The following CNTNAP2 variants were observed in gnomAD, a reference collection of about 807,000 sequenced individuals.
CNTNAP2 encodes the protein contactin associated protein 2.
In CNTNAP2, 98 loss-of-function variants were observed where a neutral mutation model predicts 155.2. The observed-to-expected ratio is 0.63, with a 90% CI of 0.54 to 0.75. The LOEUF is 0.75. Among genes scored for constraint, CNTNAP2 ranks in the 30% least tolerant of loss-of-function variants. The pLI, the probability that CNTNAP2 is intolerant of heterozygous loss-of-function variation, is 0.00. For synonymous variants in CNTNAP2, 651 were observed against 631.2 expected (o/e 1.03, Z -0.47); for missense variants, 1,727 against 1,688.1 (o/e 1.02, Z -0.40).
At chr7:147,944,445 C>A (rs1800782940) in intron 14 of CNTNAP2, among the ~76,000 whole-genome samples, 1 of 152,134 alleles carries the variant, frequency 6.6e-6, no homozygotes, top group Non-Finnish European at 1.5e-5. Flanking sequence ...ACAAAGGAGG[C>A]AGCATTTCCT....
intron 8 of CNTNAP2, among the ~76,000 whole-genome samples, chr7:147,190,292 A>AT (rs569141214): frequency 6.6e-6 from 1 of 152,094 alleles, no homozygotes; most frequent in African/African-American, 2.4e-5. Context: ...TATGTAATGT[A>AT]TTTTTTCCCT....
chr7:146,835,361 T>C (rs1009284490), intron 2 of CNTNAP2, among the ~76,000 whole-genome samples: 80 of 152,186 alleles, frequency 5.3e-4, no homozygotes, highest in African/African-American at 1.9e-3. Context: ...ACTCAATCAC[T>C]CTGTTGCTTT....
At chr7:146,164,549 G>A (rs1798283098) in intron 1 of CNTNAP2, among the ~76,000 whole-genome samples, 1 of 152,140 alleles carries the variant, frequency 6.6e-6, no homozygotes, top group Non-Finnish European at 1.5e-5. Flanking sequence ...TCCATTTCCT[G>A]AACAGCAACT....
chr7:146,964,568 T>C (rs1216783122), intron 3 of CNTNAP2, among the ~76,000 whole-genome samples: 1 of 152,222 alleles, frequency 6.6e-6, no homozygotes, highest in Non-Finnish European at 1.5e-5. Flanking sequence ...AGTGTTAAGA[T>C]ATCTTAAACC....
Position 147,043,942 on chromosome 7 carries a change from C to G in CNTNAP2, c.438C>G (p.Val146=), listed in dbSNP as rs1799305932. The change falls in exon 4 of 24, where the codon GTC becomes GTG. Residue 146 remains valine, a synonymous_variant. Coordinates refer to ENST00000361727, the MANE Select transcript of CNTNAP2 (RefSeq NM_014141.6). Reference sequence around the variant, plus strand: ...GAAACATTAACTCTGACGGTGTGGTCCGGCACGAATTACAGCATCCGATTA... The same window carrying G: ...GAAACATTAACTCTGACGGTGTGGTGCGGCACGAATTACAGCATCCGATTA... ...FPGNINSDGV[V]RHELQHPIIA... is the part of the protein sequence containing the mutation. The G allele has an allele frequency of 6.2e-7, 1 of 1,614,002 alleles. No homozygotes were observed. Among genetic ancestry groups the G allele is most frequent in the Non-Finnish European group, 8.5e-7 (1 of 1,180,010 alleles).
At chr7:147,234,399 G>A (rs1325239123) in intron 8 of CNTNAP2, among the ~76,000 whole-genome samples, 1 of 146,360 alleles carries the variant, frequency 6.8e-6, no homozygotes, top group Non-Finnish European at 1.5e-5. Context: ...GTGCAGTGGC[G>A]CGATCTCGGC....
At chr7:147,414,731 G>A (rs1386741855) in intron 10 of CNTNAP2, among the ~76,000 whole-genome samples, 1 of 151,958 alleles carries the variant, frequency 6.6e-6, no homozygotes, top group African/African-American at 2.4e-5. Flanking sequence ...CACGAGGTCA[G>A]GAGATCGAGA....
intron 21 of CNTNAP2, among the ~76,000 whole-genome samples, chr7:148,359,239 C>T (rs550860888): frequency 7.2e-5 from 11 of 152,162 alleles, no homozygotes; most frequent in South Asian, 4.1e-4. Flanking sequence ...CATTCTGTGA[C>T]GTTCCCACAA....
chr7:147,927,382 T>A (rs1800414339), intron 14 of CNTNAP2, among the ~76,000 whole-genome samples: 1 of 152,216 alleles, frequency 6.6e-6, no homozygotes, highest in Non-Finnish European at 1.5e-5. Context: ...GGGTTCTTTT[T>A]AAAGTTTAAT....
chr7:146,136,728 G>A (rs144878748), intron 1 of CNTNAP2, among the ~76,000 whole-genome samples: 126 of 152,154 alleles, frequency 8.3e-4, no homozygotes, highest in African/African-American at 2.8e-3. Flanking sequence ...TTCTGTAAAC[G>A]CGGAAGCAGG....
At chr7:147,543,958 A>G (rs1350203129) in intron 11 of CNTNAP2, among the ~76,000 whole-genome samples, 1 of 152,200 alleles carries the variant, frequency 6.6e-6, no homozygotes, top group Non-Finnish European at 1.5e-5. Flanking sequence ...ATTATTTATT[A>G]GTTTTAAACA....
chr7:146,641,899 CAA>C (rs966105094), intron 1 of CNTNAP2, among the ~76,000 whole-genome samples: 3 of 151,886 alleles, frequency 2.0e-5, no homozygotes, highest in East Asian at 1.9e-4. Context: ...ATTGTGAAGA[CAA>C]AAATTGTTCT....
chr7:146,408,221 C>G (rs1795819537), intron 1 of CNTNAP2, among the ~76,000 whole-genome samples: 1 of 152,036 alleles, frequency 6.6e-6, no homozygotes, highest in African/African-American at 2.4e-5. Context: ...CAAAATTAAC[C>G]ATTAAAAATA....
At chr7:148,153,020 CAAA>C (rs373499312) in intron 17 of CNTNAP2, among the ~76,000 whole-genome samples, 1 of 22,678 alleles carries the variant, frequency 4.4e-5, no homozygotes, top group African/African-American at 1.7e-4. Flanking sequence ...GACTCCGTCT[CAAA>C]AAAAAAAAAA....
intron 20 of CNTNAP2, among the ~76,000 whole-genome samples, chr7:148,237,962 A>G (rs1441246208): frequency 6.6e-6 from 1 of 152,220 alleles, no homozygotes; most frequent in Non-Finnish European, 1.5e-5. Context: ...CCTTTCTTAC[A>G]TATCGAAATG....
chr7:146,180,176 A>G (rs1365307222), intron 1 of CNTNAP2, among the ~76,000 whole-genome samples: 1 of 152,194 alleles, frequency 6.6e-6, no homozygotes, highest in Non-Finnish European at 1.5e-5. Flanking sequence ...CAACAGTGTT[A>G]ATTCACAGCC....
At chr7:147,195,138 C>G (rs80229407) in intron 8 of CNTNAP2, among the ~76,000 whole-genome samples, 13 of 152,080 alleles carry the variant, frequency 8.5e-5, no homozygotes, top group Non-Finnish European at 1.9e-4. Flanking sequence ...TTTCTGCATA[C>G]AGCTAGCCGG....
At chr7:146,870,188 G>A (rs1221513555) in intron 3 of CNTNAP2, among the ~76,000 whole-genome samples, 4 of 151,266 alleles carry the variant, frequency 2.6e-5, no homozygotes, top group Non-Finnish European at 4.4e-5. Flanking sequence ...GGTGGAATTC[G>A]GCTGTGAATC....
At chr7:147,265,438 C>T (rs1804585195) in intron 8 of CNTNAP2, among the ~76,000 whole-genome samples, 1 of 152,156 alleles carries the variant, frequency 6.6e-6, no homozygotes, top group Non-Finnish European at 1.5e-5. Context: ...CATCCCTCCT[C>T]ACTGAGTGGG....
Sources: allele counts gnomAD v4.1 joint callset (sites outside exome capture counted in the v4.1 genomes callset), GRCh38; gene constraint gnomAD v4.1.1; transcripts MANE v1.5; gene names NCBI Gene and HGNC (gene_info 2026-07-23, HGNC 2026-07-21).